SIN3B: variants seen among roughly 807,000 people sequenced by gnomAD.
SIN3B encodes SIN3 transcription regulator family member B, also known as paired amphipathic helix protein Sin3b.
Under a neutral mutation model 120.2 loss-of-function variants are expected in SIN3B, and 19 were observed. The observed-to-expected ratio is 0.16, with a 90% CI of 0.11 to 0.23. The LOEUF (loss-of-function observed/expected upper bound fraction) is 0.23, where lower values mean the gene tolerates loss of function less well. SIN3B is among the 10% of genes least tolerant of loss of function. The probability of loss-of-function intolerance (pLI) is 1.00; values close to 1 mark genes in which losing one functional copy is unlikely to be tolerated. For synonymous variants in SIN3B, 654 were observed against 653.2 expected, an observed-to-expected ratio of 1.00 and a Z score of -0.02; for missense variants, 1,073 against 1,573.0, an observed-to-expected ratio of 0.68 and a Z score of 5.38.
At chr19:16,832,775 A>G (rs980004591) in intron 3 of SIN3B, among the ~76,000 whole-genome samples, 4 of 151,972 alleles carry the variant, frequency 2.6e-5, no homozygotes, top group African/African-American at 7.3e-5. Context: ...CAGTGCTGGG[A>G]TTACAGGAGT....
At chr19:16,841,993 T>G in intron 4 of SIN3B, 25 bp downstream of exon 4, 1 of 1,593,206 alleles carries the variant, frequency 6.3e-7, no homozygotes, top group South Asian at 1.1e-5. Context: ...TACAATTCCT[T>G]GTGGGTTTTG....
chr19:16,846,147 A>AT (rs1971476045), intron 4 of SIN3B: 1 of 152,222 alleles, frequency 6.6e-6, no homozygotes, highest in Non-Finnish European at 1.5e-5. Context: ...TCTATTTATT[A>AT]TCTGAACTGA....
intron 3 of SIN3B, among the ~76,000 whole-genome samples, chr19:16,833,421 C>G (rs1971304487): frequency 6.6e-6 from 1 of 152,004 alleles, no homozygotes; most frequent in African/African-American, 2.4e-5. Context: ...ATTACAAGGT[C>G]AGGAGTTCAA....
Position 16,864,389 on chromosome 19 carries a change from C to T in SIN3B, c.1383+593C>T, listed in dbSNP as rs554898047. On this transcript the variant is annotated intron_variant, in intron 10 of 18. Transcript: ENST00000248054. ...GTTTCCCAGGCTGGAAGTGCAGTGG[C>T]GTAATCATGGATCGCTGCAGCCTTG... 4.6e-5 allele frequency among the ~76,000 whole-genome samples: 7 copies of T among 151,974 alleles called. No individual in the cohort carries two copies. In the East Asian group the frequency reaches 7.8e-4, roughly 17 times the overall value.
At chr19:16,857,516 TATGTG>T (rs1325986823) in intron 8 of SIN3B, among the ~76,000 whole-genome samples, 3 of 123,262 alleles carry the variant, frequency 2.4e-5, no homozygotes, top group Non-Finnish European at 5.2e-5. Context: ...TTAAAAAAAA[TATGTG>T]TGTGTGTGTG....
rs944147018 is a variant in SIN3B, at chr19:16,841,941, A to T, written c.555A>T (p.Ser185=). ...RFLDHPEIYR[S]FLEILHTYQK... is the part of the protein sequence containing the mutation. ...TAGACCACCCAGAAATCTACAGGTCATTCCTGGAGATCCTGCACACGTACC... is the reference window on the plus strand; with the variant it reads ...TAGACCACCCAGAAATCTACAGGTCTTTCCTGGAGATCCTGCACACGTACC... The change falls in exon 4 of 19, where the codon TCA becomes TCT. Residue 185 remains serine, a synonymous_variant. Coordinates refer to ENST00000248054, the MANE Select transcript of SIN3B (RefSeq NM_001297595.2). 6.2e-7 allele frequency: 1 copy of T among 1,613,794 alleles called. No homozygotes were observed. Among genetic ancestry groups the T allele is most frequent in the African/African-American group, 1.3e-5 (1 of 74,932 alleles).
Position 16,862,636 on chromosome 19 carries a change from C to G in SIN3B, c.1266+77C>G. 1.5e-6 allele frequency: 2 copies of G among 1,343,576 alleles called. No homozygotes were observed. The highest frequency in any genetic ancestry group is 1.4e-5 in the African/African-American group (1 of 69,562). The allele number at this position is 1,343,576 out of a possible 1,614,324, so 83.2% of individuals were successfully genotyped here. On this transcript the variant is annotated intron_variant, in intron 9 of 18. Coordinates refer to ENST00000248054, the MANE Select transcript of SIN3B (RefSeq NM_001297595.2). This position sits in a 1 kb window ranked among gnomAD's most constrained non-coding sequence, Gnocchi z 4.7. The stretch of plus-strand genomic sequence containing the variant: ...CTCCCCAGCAAACACCCGATACCCC[C>G]GTTATGAATGAAATGCTGTGTGCTC...
In SIN3B at chr19:16,877,642, A is replaced by G. The variant is rs758512361; in HGVS notation, c.2954+3A>G. On this transcript the variant is annotated splice_donor_region_variant and intron_variant, in intron 17 of 18. Transcript: ENST00000248054. The stretch of plus-strand genomic sequence containing the variant: ...CTGAAACCTGTGTTCCTGCAGAGGT[A>G]AGAGGCCCTGAGATGCATGCTCTGT... The G allele has an allele frequency of 4.4e-6, 7 of 1,594,462 alleles. No individual in the cohort carries two copies. In the African/African-American group the frequency reaches 8.0e-5, roughly 18 times the overall value.
At chr19:16,856,404 G>T (rs1011507872) in intron 8 of SIN3B, among the ~76,000 whole-genome samples, 1 of 152,168 alleles carries the variant, frequency 6.6e-6, no homozygotes, top group Non-Finnish European at 1.5e-5. Context: ...ACCGACCTAT[G>T]TGGGGTTCCT....
At chr19:16,835,003 C>T (rs931119094) in intron 3 of SIN3B, among the ~76,000 whole-genome samples, 5 of 151,356 alleles carry the variant, frequency 3.3e-5, no homozygotes, top group South Asian at 2.1e-4. Flanking sequence ...CTCGACTCAC[C>T]GCATCCTCTG....
intron 3 of SIN3B, among the ~76,000 whole-genome samples, chr19:16,835,486 C>T (rs986840877): frequency 1.7e-5 from 2 of 121,050 alleles, no homozygotes; most frequent in African/African-American, 3.1e-5. Flanking sequence ...ACCTCGGCCT[C>T]CCAAAGTTCT....
At position 16,871,248 on chromosome 19, in the gene SIN3B, G is replaced by A. The variant is rs757373099; in HGVS notation, c.2442G>A (p.Glu814=). The A allele has an allele frequency of 8.1e-6, 13 of 1,614,102 alleles. No homozygotes were observed. In the East Asian group the frequency reaches 8.9e-5, roughly 11 times the overall value. The change falls in exon 14 of 19, where the codon GAG becomes GAA. Residue 814 remains glutamate, a synonymous_variant. Transcript: ENST00000248054. ...LKQPSEVELE[E]YYPAFLDMVR... is the part of the protein sequence containing the mutation. ...CCGCAGGTGAAGTGGAGCTGGAGGA[G>A]TACTACCCGGCCTTCCTGGACATGG...
intron 14 of SIN3B, 195 bp downstream of exon 14, chr19:16,871,593 AATAT>A: frequency 1.8e-6 from 1 of 563,102 alleles, no homozygotes; most frequent in Non-Finnish European, 3.1e-6. Flanking sequence ...GTACATTCAC[AATAT>A]TGTGCAACCA....
In SIN3B at chr19:16,876,617, G is replaced by T; in HGVS notation, c.2859+39G>T. 1.3e-6 allele frequency: 2 copies of T among 1,534,832 alleles called. No individual in the cohort carries two copies. The highest frequency in any genetic ancestry group is 1.8e-6 in the Non-Finnish European group (2 of 1,113,148). ...CCCAGTCTGTGCCACGCATACCAGG[G>T]AGCGCCTGAGGGCAGCAGCATGGGG... On this transcript the variant is annotated intron_variant, in intron 16 of 18. Transcript: ENST00000248054. The surrounding 1 kb of genome is among the most constrained non-coding windows in gnomAD (Gnocchi z 7.1).
At chr19:16,859,828 C>T (rs200122389) in intron 8 of SIN3B, among the ~76,000 whole-genome samples, 6 of 152,292 alleles carry the variant, frequency 3.9e-5, no homozygotes, top group East Asian at 3.9e-4. Context: ...AAGGGGCCCC[C>T]AGGGGCTGTG....
chr19:16,842,794 C>T (rs372352807), intron 4 of SIN3B, among the ~76,000 whole-genome samples: 2 of 152,128 alleles, frequency 1.3e-5, no homozygotes, highest in African/African-American at 2.4e-5. Flanking sequence ...TAATATGATT[C>T]CCAGCCCGGT....
chr19:16,873,332 C>T (rs1161820999), intron 14 of SIN3B, among the ~76,000 whole-genome samples: 2 of 152,172 alleles, frequency 1.3e-5, no homozygotes, highest in Non-Finnish European at 2.9e-5. Flanking sequence ...CTGACACCTT[C>T]GCTTCAGCCC....
chr19:16,869,545 A>C lies in SIN3B; in HGVS notation c.1892A>C (p.Glu631Ala). Residue 631 changes from glutamate (E) to alanine (A), a missense_variant, in exon 13 of 19, where the codon GAG (glutamate) becomes GCG (alanine). This residue lies in a region of SIN3B where 169 missense variants were observed against 207.3 expected (regional missense o/e 0.82). Transcript: ENST00000248054. ...IFVYEDRQIL[E>A]DAAALISYYV... ...GTGTACGAGGACCGGCAGATCCTGG[A>C]GGACGCAGCAGCGCTCATCAGCTAC... 1 of 1,613,880 alleles carries C rather than the reference A, an allele frequency of 6.2e-7. No individual in the cohort carries two copies. Among genetic ancestry groups the C allele is most frequent in the Non-Finnish European group, 8.5e-7 (1 of 1,180,024 alleles).
chr19:16,832,399 T>C (rs1971290833), intron 3 of SIN3B, among the ~76,000 whole-genome samples: 1 of 151,938 alleles, frequency 6.6e-6, no homozygotes, highest in Non-Finnish European at 1.5e-5. Flanking sequence ...GGTTTCTTCA[T>C]GTTGGCCAGG....
Sources: gnomAD v4.1 joint callset for allele counts (sites outside exome capture counted in the v4.1 genomes callset) on GRCh38, gnomAD v4.1.1 for gene constraint, gnomAD v4.1.1 regional missense constraint, Gnocchi (gnomAD v3.1) non-coding constraint, MANE v1.5 for transcripts, NCBI Gene and HGNC (gene_info 2026-07-23, HGNC 2026-07-21) for gene names.